The following OR8H2 variants were observed in gnomAD, a reference collection of about 807,000 sequenced individuals.
OR8H2 encodes the protein olfactory receptor family 8 subfamily H member 2.
For synonymous variants in OR8H2, 157 were observed against 139.2 expected, an observed-to-expected ratio of 1.13 and a Z score of -0.90; for missense variants, 374 against 371.1, an observed-to-expected ratio of 1.01 and a Z score of -0.06.
chr11:56,106,854 G>C lies in OR8H2; in HGVS notation c.*873G>C, dbSNP rs548488788. ...AAAATAGAAATCCTCTACAAATATT[G>C]AGTTTTGGCTGCTCTTGATGTGGGG... On this transcript the variant is annotated 3_prime_UTR_variant, in exon 2 of 2. Transcript: ENST00000313503. 4 of 152,018 alleles carry C rather than the reference G, an allele frequency of 2.6e-5. No homozygotes were observed. In the South Asian group the frequency reaches 8.3e-4, roughly 32 times the overall value. 9.4% of individuals were successfully genotyped at this position (152,018 alleles called of 1,614,324 possible).
chr11:56,105,364 G>C lies in OR8H2; in HGVS notation c.322G>C (p.Gly108Arg), dbSNP rs1336004245. ...FAQMFFFAFLGTAECYLLSSM... is the reference protein window; with the variant it reads ...FAQMFFFAFLRTAECYLLSSM... ...CCAGATGTTCTTTTTTGCCTTCTTG[G>C]GTACTGCTGAATGTTACCTTCTCTC... is the stretch of plus-strand genomic sequence containing the variant. Residue 108 changes from glycine to arginine, a missense_variant, in exon 2 of 2, where the codon GGT (glycine) becomes CGT (arginine). Coordinates refer to ENST00000313503, the MANE Select transcript of OR8H2 (RefSeq NM_001386064.1). The C allele has an allele frequency of 1.9e-6, 3 of 1,614,090 alleles. No individual in the cohort carries two copies. The highest frequency in any genetic ancestry group is 1.7e-5 in the Admixed American group (1 of 60,014).
Position 56,105,929 on chromosome 11 carries a change from A to G in OR8H2, c.887A>G (p.Glu296Gly), listed in dbSNP as rs1854050177. 1 of 1,605,060 alleles carries G rather than the reference A, an allele frequency of 6.2e-7. No individual in the cohort carries two copies. The highest frequency in any genetic ancestry group is 1.1e-5 in the South Asian group (1 of 89,248). The change falls in exon 2 of 2, where the codon GAG becomes GGG. Residue 296 changes from glutamate to glycine, a missense_variant. Coordinates refer to ENST00000313503, the MANE Select transcript of OR8H2 (RefSeq NM_001386064.1). ...NPLIYSLRNK[E>G]VKNAVIRVMQ... The stretch of plus-strand genomic sequence containing the variant: ...CTCATTTATAGTCTTAGAAACAAAG[A>G]GGTGAAAAATGCTGTCATCAGAGTC...
In OR8H2 at chr11:56,105,364, G is replaced by T; in HGVS notation, c.322G>T (p.Gly108Cys). Residue 108 changes from glycine to cysteine, a missense_variant, in exon 2 of 2, where the codon GGT becomes TGT. Gly to Cys is a radical substitution (Grantham distance 159). Coordinates refer to ENST00000313503, the MANE Select transcript of OR8H2 (RefSeq NM_001386064.1). ...CCAGATGTTCTTTTTTGCCTTCTTGGGTACTGCTGAATGTTACCTTCTCTC... is the reference window on the plus strand; with the variant it reads ...CCAGATGTTCTTTTTTGCCTTCTTGTGTACTGCTGAATGTTACCTTCTCTC... ...FAQMFFFAFL[G>C]TAECYLLSSM... is the part of the protein sequence containing the mutation. 6.2e-7 allele frequency: 1 copy of T among 1,614,090 alleles called. No individual in the cohort carries two copies. Among genetic ancestry groups the T allele is most frequent in the Non-Finnish European group, 8.5e-7 (1 of 1,180,016 alleles).
In OR8H2 at chr11:56,106,780, A is replaced by T. The variant is rs1854060515; in HGVS notation, c.*799A>T. 6.6e-6 allele frequency: 1 copy of T among 152,042 alleles called. No individual in the cohort carries two copies. Among genetic ancestry groups the T allele is most frequent in the Non-Finnish European group, 1.5e-5 (1 of 67,886 alleles). The allele number at this position is 152,042 out of a possible 1,614,324, so 9.4% of individuals were successfully genotyped here. ...ATTAAGTTATAGAAAAATAGCCTAT[A>T]TTAAGATAATGTTGGAGAAAATTTG... On this transcript the variant is annotated 3_prime_UTR_variant, in exon 2 of 2. Coordinates refer to ENST00000313503, the MANE Select transcript of OR8H2 (RefSeq NM_001386064.1).
chr11:56,103,845 A>G lies in OR8H2; in HGVS notation c.-314A>G, dbSNP rs1854011725. ...ATGAATACACCAAAATGTAAAAACAACTTATCTCAAGTAAAATAAATATTA... is the reference window on the plus strand; with the variant it reads ...ATGAATACACCAAAATGTAAAAACAGCTTATCTCAAGTAAAATAAATATTA... On this transcript the variant is annotated 5_prime_UTR_variant, in exon 1 of 2. Coordinates refer to ENST00000313503, the MANE Select transcript of OR8H2 (RefSeq NM_001386064.1). 6.6e-6 allele frequency: 1 copy of G among 152,136 alleles called. No homozygotes were observed. Among genetic ancestry groups the G allele is most frequent in the Non-Finnish European group, 1.5e-5 (1 of 68,004 alleles). 9.4% of individuals were successfully genotyped at this position (152,136 alleles called of 1,614,324 possible).
chr11:56,104,847 G>GT lies in OR8H2; in HGVS notation c.-171-22dup, dbSNP rs1256476946. On this transcript the variant is annotated intron_variant, in intron 1 of 1. Coordinates refer to ENST00000313503, the MANE Select transcript of OR8H2 (RefSeq NM_001386064.1). ...TCATATAAACAGAAAGTTTTTTTTT[G>GT]TTTGTTTTTTGTTTTTTGAGTCAGA... 1.1e-4 allele frequency: 43 copies of GT among 399,584 alleles called. 1 individual carries two copies. The highest frequency in any genetic ancestry group is 3.6e-4 in the Admixed American group (9 of 24,674). 24.8% of individuals were successfully genotyped at this position (399,584 alleles called of 1,614,324 possible).
At chr11:56,104,783 C>T in intron 1 of OR8H2, 89 bp from the exon 2 acceptor site, 1 of 366,536 alleles carries the variant, frequency 2.7e-6, no homozygotes, top group Non-Finnish European at 4.9e-6. Flanking sequence ...TTATTAGCAA[C>T]TTATAGAAGG....
In OR8H2 at chr11:56,104,925, C is replaced by A. The variant is rs1590739458; in HGVS notation, c.-118C>A. ...GCAATGGTGCGATCCCGGCTCACTG[C>A]AACCTCCGCCTCCCGCGTTCAAGCA... On this transcript the variant is annotated 5_prime_UTR_variant, in exon 2 of 2. It introduces an in-frame stop codon into an upstream open reading frame of the 5' UTR. Transcript: ENST00000313503. 5.6e-6 allele frequency: 5 copies of A among 889,866 alleles called. No homozygotes were observed. The highest frequency in any genetic ancestry group is 2.4e-5 in the East Asian group (1 of 41,016). The allele number at this position is 889,866 out of a possible 1,614,324, so 55.1% of individuals were successfully genotyped here. A position where few individuals can be genotyped will look rare whatever the true frequency, so the allele number is the denominator to read the frequency against.
Position 56,105,556 on chromosome 11 carries a change from A to G in OR8H2, c.514A>G (p.Asn172Asp). Residue 172 changes from asparagine (N) to aspartate (D), a missense_variant, in exon 2 of 2, where the codon AAC (asparagine) becomes GAC (aspartate). Coordinates refer to ENST00000313503, the MANE Select transcript of OR8H2 (RefSeq NM_001386064.1). ...SMSRLHFYDS[N>D]VIHHFFCDTS... The stretch of plus-strand genomic sequence containing the variant: ...GAGCAGATTGCATTTCTACGACTCA[A>G]ACGTAATTCATCACTTTTTCTGTGA... 1 of 1,614,128 alleles carries G rather than the reference A, an allele frequency of 6.2e-7. No homozygotes were observed. The highest frequency in any genetic ancestry group is 8.5e-7 in the Non-Finnish European group (1 of 1,180,026).
Position 56,105,339 on chromosome 11 carries a change from C to T in OR8H2, c.297C>T (p.Ala99=). 2 of 1,614,180 alleles carry T rather than the reference C, an allele frequency of 1.2e-6. No individual in the cohort carries two copies. Among genetic ancestry groups the T allele is most frequent in the Non-Finnish European group, 1.7e-6 (2 of 1,180,024 alleles). Residue 99 remains alanine, a synonymous_variant, in exon 2 of 2, where the codon GCC becomes GCT. Transcript: ENST00000313503. ...ATATTTCCTTTACGGGCTGCTTTGCCCAGATGTTCTTTTTTGCCTTCTTGG... is the reference window on the plus strand; with the variant it reads ...ATATTTCCTTTACGGGCTGCTTTGCTCAGATGTTCTTTTTTGCCTTCTTGG... The part of the protein sequence containing the change: ...SNYISFTGCF[A]QMFFFAFLGT...
rs764170401 is a variant in OR8H2 at position 56,106,033 on chromosome 11, G to A, written c.*52G>A. On this transcript the variant is annotated 3_prime_UTR_variant, in exon 2 of 2. Transcript: ENST00000313503. ...TAAACTCATCTTTTCTTTCATTCCT[G>A]TTGGGTATTTTCTTAGTCTCTCTAT... 1.8e-4 allele frequency: 204 copies of A among 1,137,688 alleles called. 2 individuals carry two copies. Among genetic ancestry groups the A allele is most frequent in the Middle Eastern group, 4.1e-4 (2 of 4,920 alleles). 70.5% of individuals were successfully genotyped at this position (1,137,688 alleles called of 1,614,324 possible).
chr11:56,104,090 C>A (rs948217139), intron 1 of OR8H2, 103 bp downstream of exon 1: 2 of 151,916 alleles, frequency 1.3e-5, no homozygotes, highest in African/African-American at 4.8e-5. Flanking sequence ...ATACACATAT[C>A]ATTTAGTCTT....
rs181882459 is a variant in OR8H2 at position 56,105,590 on chromosome 11, C to A, written c.548C>A (p.Pro183Gln). The A allele has an allele frequency of 1.6e-5, 26 of 1,614,176 alleles. No individual in the cohort carries two copies. In the African/African-American group the frequency reaches 3.5e-4, roughly 22 times the overall value. The change falls in exon 2 of 2, where the codon CCA becomes CAA. Residue 183 changes from proline (P) to glutamine (Q), a missense_variant. Physicochemically the swap from Pro to Gln is moderately conservative, Grantham distance 76. Transcript: ENST00000313503. ...CATCACTTTTTCTGTGACACTTCCC[C>A]AATTTTAGCTCTGTCCTGCACTGAT... Reference protein sequence around the residue: ...VIHHFFCDTSPILALSCTDTY... With the variant: ...VIHHFFCDTSQILALSCTDTY...
In OR8H2 at chr11:56,105,972, C is replaced by T. The variant is rs756156225; in HGVS notation, c.930C>T (p.Asp310=). The change falls in exon 2 of 2, where the codon GAC becomes GAT. Residue 310 remains aspartate, a synonymous_variant. Coordinates refer to ENST00000313503, the MANE Select transcript of OR8H2 (RefSeq NM_001386064.1). The part of the protein sequence containing the change: ...AVIRVMQRRQ[D]SR ...TCAGAGTCATGCAGAGAAGACAGGA[C>T]TCCAGGTAATTAATATAGCAGGAAT... The T allele has an allele frequency of 2.6e-6, 4 of 1,545,536 alleles. No individual in the cohort carries two copies. In the South Asian group the frequency reaches 4.9e-5, roughly 19 times the overall value.
At position 56,104,883 on chromosome 11, in the gene OR8H2, G is replaced by A. The variant is rs1474993445; in HGVS notation, c.-160G>A. 5.3e-5 allele frequency: 32 copies of A among 598,960 alleles called. No individual in the cohort carries two copies. The highest frequency in any genetic ancestry group is 8.0e-5 in the Non-Finnish European group (28 of 348,866). The allele number at this position is 598,960 out of a possible 1,614,324, so 37.1% of individuals were successfully genotyped here. On this transcript the variant is annotated 5_prime_UTR_variant, in exon 2 of 2. Transcript: ENST00000313503. ...GTTTTTTGAGTCAGAGTCTGGCACA[G>A]TCGCCAGGGCTGGAATGCAATGGTG...
chr11:56,105,675 T>G lies in OR8H2; in HGVS notation c.633T>G (p.Leu211=). The change falls in exon 2 of 2, where the codon CTT becomes CTG. Residue 211 remains leucine (L), a synonymous_variant. Transcript: ENST00000313503. ...TTGGTTCCACCCTGATGGTGTCCCTTTTCACAATATCTGCATCCTATGTGT... is the reference window on the plus strand; with the variant it reads ...TTGGTTCCACCCTGATGGTGTCCCTGTTCACAATATCTGCATCCTATGTGT... The part of the protein sequence containing the change: ...IIVGSTLMVS[L]FTISASYVFI... The G allele has an allele frequency of 2.5e-6, 4 of 1,614,140 alleles. No individual in the cohort carries two copies. The highest frequency in any genetic ancestry group is 3.4e-6 in the Non-Finnish European group (4 of 1,179,942).
intron 1 of OR8H2, among the ~76,000 whole-genome samples, chr11:56,104,669 C>A (rs910586173): frequency 6.6e-5 from 10 of 152,090 alleles, no homozygotes; most frequent in African/African-American, 2.4e-4. Flanking sequence ...TCTAATTATG[C>A]AATATGCTAC....
chr11:56,104,625 T>C (rs1277328208), intron 1 of OR8H2, among the ~76,000 whole-genome samples: 1 of 152,296 alleles, frequency 6.6e-6, no homozygotes, highest in East Asian at 1.9e-4. Context: ...AATGTGTTAA[T>C]AAAGGAAGTC....
rs1460988426 is a variant in OR8H2 at position 56,107,018 on chromosome 11, G to T, written c.*1037G>T. The T allele has an allele frequency of 6.6e-6, 1 of 151,766 alleles. No homozygotes were observed. Among genetic ancestry groups the T allele is most frequent in the East Asian group, 1.9e-4 (1 of 5,188 alleles). The allele number at this position is 151,766 out of a possible 1,614,324, so 9.4% of individuals were successfully genotyped here. ...TATATAACACATATAAACAAAATTT[G>T]TATCACTTTCCATGTACTGATTTTC... On this transcript the variant is annotated 3_prime_UTR_variant, in exon 2 of 2. Coordinates refer to ENST00000313503, the MANE Select transcript of OR8H2 (RefSeq NM_001386064.1).
Sources: gnomAD v4.1 joint callset for allele counts (sites outside exome capture counted in the v4.1 genomes callset) on GRCh38, gnomAD v4.1.1 for gene constraint, MANE v1.5 for transcripts, NCBI Gene and HGNC (gene_info 2026-07-23, HGNC 2026-07-21) for gene names.